EPB41: variants seen among roughly 807,000 people sequenced by gnomAD.
EPB41 encodes the protein erythrocyte membrane protein band 4.1.
A neutral mutation model predicts 108.0 loss-of-function variants in EPB41; 65 were observed. That is an observed-to-expected ratio of 0.60 (90% CI 0.49 to 0.74). The LOEUF is 0.74. Among genes scored for constraint, EPB41 ranks in the 30% least tolerant of loss-of-function variants. EPB41 has a pLI of 0.00. For missense variants in EPB41, 875 were observed against 1,037.0 expected (o/e 0.84, Z 2.15); for synonymous variants, 336 against 358.9 (o/e 0.94, Z 0.72).
At chr1:29,099,948 A>T (rs1196208648) in intron 17 of EPB41, among the ~76,000 whole-genome samples, 1 of 152,222 alleles carries the variant, frequency 6.6e-6, no homozygotes, top group East Asian at 1.9e-4. Context: ...GTAAAGAGTT[A>T]GACAATATGG....
chr1:29,097,824 A>G lies in EPB41; in HGVS notation c.2202A>G (p.Thr734=). ...PTGEGPPLVK[T]QTVTISDNAN... ...CTTCACAGCCTCCCCTGGTGAAGACACAAACTGTCACCATCTCAGATAATG... is the reference window on the plus strand; with the variant it reads ...CTTCACAGCCTCCCCTGGTGAAGACGCAAACTGTCACCATCTCAGATAATG... The change falls in exon 17 of 21, where the codon ACA becomes ACG. Residue 734 remains threonine, a synonymous_variant. Coordinates refer to ENST00000343067, the MANE Select transcript of EPB41 (RefSeq NM_001376013.1). 1.9e-6 allele frequency: 3 copies of G among 1,614,062 alleles called. No individual in the cohort carries two copies. Among genetic ancestry groups the G allele is most frequent in the Non-Finnish European group, 2.5e-6 (3 of 1,179,930 alleles).
intron 1 of EPB41, among the ~76,000 whole-genome samples, chr1:28,922,696 C>A (rs990320022): frequency 6.7e-6 from 1 of 150,232 alleles, no homozygotes; most frequent in Non-Finnish European, 1.5e-5. Context: ...GGCGCGATCT[C>A]GGCTCACTGC....
chr1:28,930,333 A>G (rs1030747316), intron 1 of EPB41, among the ~76,000 whole-genome samples: 8 of 151,184 alleles, frequency 5.3e-5, no homozygotes, highest in African/African-American at 1.9e-4. Context: ...TTAAAAAAAA[A>G]AAAATTTTTT....
At chr1:28,935,437 A>AC (rs1316617542) in intron 1 of EPB41, among the ~76,000 whole-genome samples, 4 of 75,798 alleles carry the variant, frequency 5.3e-5, no homozygotes, top group Admixed American at 1.4e-4. Context: ...TCCTGTCTCA[A>AC]AACACACACA....
At chr1:29,038,448 G>A (rs956967376) in intron 10 of EPB41, among the ~76,000 whole-genome samples, 2 of 152,080 alleles carry the variant, frequency 1.3e-5, no homozygotes, top group African/African-American at 4.8e-5. Flanking sequence ...AAAATCTAAT[G>A]CTCCCTTACA....
intron 1 of EPB41, among the ~76,000 whole-genome samples, chr1:28,907,829 T>A (rs914148546): frequency 1.6e-4 from 20 of 125,074 alleles, no homozygotes; most frequent in East Asian, 9.0e-4. Flanking sequence ...GCTGATTTTT[T>A]AAAAATTTTA....
At chr1:29,035,757 G>GT in intron 9 of EPB41, 69 bp from the exon 10 acceptor site, 2 of 1,132,106 alleles carry the variant, frequency 1.8e-6, no homozygotes, top group Non-Finnish European at 2.7e-6. Flanking sequence ...CTCTGGTACT[G>GT]TATCACTGTA....
intron 17 of EPB41, among the ~76,000 whole-genome samples, chr1:29,102,973 A>G (rs1029167010): frequency 2.0e-5 from 3 of 152,006 alleles, no homozygotes; most frequent in Admixed American, 6.6e-5. Flanking sequence ...GGGTTTCACC[A>G]TGTTGGTCAG....
At chr1:29,066,150 G>T (rs1647590568) in intron 16 of EPB41, among the ~76,000 whole-genome samples, 1 of 151,880 alleles carries the variant, frequency 6.6e-6, no homozygotes, top group East Asian at 1.9e-4. Flanking sequence ...GCCGGGCGCG[G>T]TGGCTCACGC....
At chr1:28,975,221 C>G (rs113633786) in intron 1 of EPB41, among the ~76,000 whole-genome samples, 64 of 152,260 alleles carry the variant, frequency 4.2e-4, no homozygotes, top group Admixed American at 4.1e-3. Flanking sequence ...CGTGAGTTAC[C>G]GTGCCCGGCC....
At chr1:28,924,211 C>A (rs2093311738) in intron 1 of EPB41, among the ~76,000 whole-genome samples, 1 of 152,174 alleles carries the variant, frequency 6.6e-6, no homozygotes, top group African/African-American at 2.4e-5. Flanking sequence ...AATGCAAATG[C>A]AGTAGACAGC....
chr1:28,952,313 G>A (rs2094765201), intron 1 of EPB41, among the ~76,000 whole-genome samples: 1 of 152,000 alleles, frequency 6.6e-6, no homozygotes, highest in African/African-American at 2.4e-5. Flanking sequence ...GGATCACTAG[G>A]TCAGGAGTTC....
chr1:29,041,274 G>A (rs1641444478), intron 11 of EPB41: 1 of 152,112 alleles, frequency 6.6e-6, no homozygotes, highest in Non-Finnish European at 1.5e-5. Context: ...GAGGTCAGGA[G>A]TTCAAGACCA....
At chr1:29,087,132 A>C (rs567755345) in intron 16 of EPB41, among the ~76,000 whole-genome samples, 2 of 151,624 alleles carry the variant, frequency 1.3e-5, no homozygotes, top group African/African-American at 4.8e-5. Flanking sequence ...TAGTAGAGAC[A>C]GGGTTTTACC....
chr1:29,070,280 C>A, intron 16 of EPB41: 1 of 1,020,668 alleles, frequency 9.8e-7, no homozygotes, highest in Non-Finnish European at 1.3e-6. Flanking sequence ...CTTTGCACAT[C>A]CCCAAGTATC....
intron 11 of EPB41, among the ~76,000 whole-genome samples, chr1:29,046,719 T>C (rs564660781): frequency 7.3e-4 from 111 of 152,336 alleles, no homozygotes; most frequent in South Asian, 2.9e-3. Flanking sequence ...TCTAGTTTCC[T>C]ACACATTTTA....
intron 1 of EPB41, among the ~76,000 whole-genome samples, chr1:28,979,202 T>A (rs2095675642): frequency 6.6e-6 from 1 of 151,524 alleles, no homozygotes; most frequent in Non-Finnish European, 1.5e-5. Flanking sequence ...AGATAAAAGT[T>A]TAAAAGCTAA....
At chr1:28,941,894 C>CAAAAA (rs58524634) in intron 1 of EPB41, among the ~76,000 whole-genome samples, 2 of 64,846 alleles carry the variant, frequency 3.1e-5, no homozygotes, top group Non-Finnish European at 2.8e-5. Flanking sequence ...AGCTCTGTCT[C>CAAAAA]AAAAAAAAAA....
chr1:28,936,963 T>A (rs764806468), intron 1 of EPB41, among the ~76,000 whole-genome samples: 9 of 152,240 alleles, frequency 5.9e-5, no homozygotes, highest in Non-Finnish European at 1.2e-4. Context: ...TGTAATTCTA[T>A]GTTTAACTTT....
Sources: gnomAD v4.1 joint callset for allele counts (sites outside exome capture counted in the v4.1 genomes callset) on GRCh38, gnomAD v4.1.1 for gene constraint, MANE v1.5 for transcripts, NCBI Gene and HGNC (gene_info 2026-07-23, HGNC 2026-07-21) for gene names.